DNAJB6: variants seen among roughly 807,000 people sequenced by gnomAD.
DNAJB6 encodes DnaJ heat shock protein family (Hsp40) member B6, also known as dnaJ homolog subfamily B member 6.
A neutral mutation model predicts 42.7 loss-of-function variants in DNAJB6; 16 were observed. That is an observed-to-expected ratio of 0.37 (90% CI 0.25 to 0.57). DNAJB6 has a LOEUF of 0.57. DNAJB6 is among the 20% of genes least tolerant of loss of function. The pLI is 0.74. For missense variants in DNAJB6, 347 were observed against 416.8 expected (o/e 0.83, Z 1.46); for synonymous variants, 170 against 163.5 (o/e 1.04, Z -0.30).
chr7:157,390,676 C>T (rs141220746), intron 8 of DNAJB6, among the ~76,000 whole-genome samples: 3 of 152,286 alleles, frequency 2.0e-5, no homozygotes, highest in East Asian at 3.9e-4. Context: ...CGCTGTGCTG[C>T]GAGCTCTGAG....
chr7:157,415,110 G>A (rs1228257518), intron 9 of DNAJB6: 1 of 152,276 alleles, frequency 6.6e-6, no homozygotes, highest in Non-Finnish European at 1.5e-5. Flanking sequence ...GCCTGTGCGT[G>A]TGGGACCCAG....
At chr7:157,403,900 A>G (rs1326735590) in intron 8 of DNAJB6, among the ~76,000 whole-genome samples, 2 of 152,234 alleles carry the variant, frequency 1.3e-5, no homozygotes, top group Admixed American at 1.3e-4. Context: ...ACCCTGACCC[A>G]GGAGCCTCAG....
At chr7:157,402,091 C>T (rs1029844008) in intron 8 of DNAJB6, among the ~76,000 whole-genome samples, 3 of 152,238 alleles carry the variant, frequency 2.0e-5, no homozygotes, top group African/African-American at 4.8e-5. Flanking sequence ...GCTTCTGCCG[C>T]ACTCCGCATT....
chr7:157,385,974 T>G (rs1435905349), intron 8 of DNAJB6: 3 of 912,702 alleles, frequency 3.3e-6, no homozygotes, highest in African/African-American at 1.8e-5. Context: ...GGACCTGCTT[T>G]TCATTGTGTC....
chr7:157,383,609 GTT>G (rs1035163754), intron 6 of DNAJB6, among the ~76,000 whole-genome samples: 2 of 80,144 alleles, frequency 2.5e-5, no homozygotes, highest in African/African-American at 5.1e-5. Context: ...CTGTATGTGT[GTT>G]TGTGTGTGTG....
chr7:157,350,838 G>A (rs1798935270), intron 1 of DNAJB6, among the ~76,000 whole-genome samples: 3 of 149,730 alleles, frequency 2.0e-5, no homozygotes, highest in African/African-American at 4.9e-5. Context: ...CGTTACAGGT[G>A]TTAGCCACCA....
At chr7:157,369,512 C>T (rs1038450475) in intron 5 of DNAJB6, 14 of 421,648 alleles carry the variant, frequency 3.3e-5, no homozygotes, top group Admixed American at 1.1e-4. Flanking sequence ...TGAGACCGGG[C>T]GTCTTCAACA....
intron 5 of DNAJB6, chr7:157,380,869 TCTCA>T (rs1206443355): frequency 2.6e-5 from 4 of 152,446 alleles, no homozygotes; most frequent in Non-Finnish European, 4.4e-5. Flanking sequence ...AGCCTTTGCT[TCTCA>T]CTATTTACTA....
At position 157,416,239 on chromosome 7, in the gene DNAJB6, G is replaced by C. The variant is rs1231896135; in HGVS notation, c.*141G>C. On this transcript the variant is annotated 3_prime_UTR_variant, in exon 10 of 10. Coordinates refer to ENST00000262177, the MANE Select transcript of DNAJB6 (RefSeq NM_058246.4). ...TCGCTCGGCAGGATTATGCGATCACGGATCAGTCAGAGCAGGGTCAGGAGA... is the reference window on the plus strand; with the variant it reads ...TCGCTCGGCAGGATTATGCGATCACCGATCAGTCAGAGCAGGGTCAGGAGA... The C allele has an allele frequency of 1.5e-6, 2 of 1,365,578 alleles. No individual in the cohort carries two copies. The highest frequency in any genetic ancestry group is 2.5e-5 in the East Asian group (1 of 39,734). The allele number at this position is 1,365,578 out of a possible 1,614,324, so 84.6% of individuals were successfully genotyped here.
chr7:157,393,330 T>G (rs1030247530), intron 8 of DNAJB6, among the ~76,000 whole-genome samples: 2 of 152,204 alleles, frequency 1.3e-5, no homozygotes, highest in Admixed American at 1.3e-4. Context: ...ATTGGAAAAC[T>G]CTATAAATTT....
intron 7 of DNAJB6, 72 bp from the exon 8 acceptor site, chr7:157,385,469 A>C: frequency 1.3e-6 from 2 of 1,522,394 alleles, no homozygotes; most frequent in Non-Finnish European, 1.8e-6. Context: ...TAATGTCCTT[A>C]AACAACTTAG....
At chr7:157,374,809 C>T (rs568027399) in intron 5 of DNAJB6, among the ~76,000 whole-genome samples, 16 of 152,280 alleles carry the variant, frequency 1.1e-4, no homozygotes, top group Admixed American at 3.9e-4. Context: ...AGTTTGTGGG[C>T]AGTGTTTCTG....
At chr7:157,359,749 G>T (rs1799484626) in intron 2 of DNAJB6, among the ~76,000 whole-genome samples, 1 of 152,204 alleles carries the variant, frequency 6.6e-6, no homozygotes, top group South Asian at 2.1e-4. Flanking sequence ...AGCCCAGGAG[G>T]TTGAGGCTGC....
intron 1 of DNAJB6, chr7:157,337,439 G>C (rs920422199): frequency 3.3e-5 from 5 of 152,456 alleles, no homozygotes; most frequent in African/African-American, 7.2e-5. Context: ...GCGGCGGTTG[G>C]GGGTGGGGCC....
At chr7:157,366,407 A>G in intron 3 of DNAJB6, 95 bp from the exon 4 acceptor site, 2 of 1,175,532 alleles carry the variant, frequency 1.7e-6, no homozygotes, top group Non-Finnish European at 2.5e-6. Context: ...GTTGTAAAAC[A>G]TCGAAAACTG....
intron 5 of DNAJB6, among the ~76,000 whole-genome samples, chr7:157,370,181 CAGGCCCCTTCTTAACATTATTATTAAAG>C (rs1800120798): frequency 7.6e-5 from 11 of 144,724 alleles, no homozygotes; most frequent in South Asian, 2.2e-4. Context: ...TATTATTAAA[CAGGCCCCTTCTTAACATTATTATTAAAG>C]AGGCCCTTTC....
chr7:157,408,192 G>C (rs1795840534), intron 8 of DNAJB6, among the ~76,000 whole-genome samples: 1 of 152,210 alleles, frequency 6.6e-6, no homozygotes, highest in Non-Finnish European at 1.5e-5. Context: ...CAGGGGTCCT[G>C]GGGTCCCCTG....
chr7:157,377,576 T>TGCTC (rs1800535171), intron 5 of DNAJB6, among the ~76,000 whole-genome samples: 1 of 152,096 alleles, frequency 6.6e-6, no homozygotes, highest in African/African-American at 2.4e-5. Context: ...GTAAAATCTG[T>TGCTC]CAGGACTGGA....
chr7:157,387,319 TTCC>T (rs1193668917), intron 8 of DNAJB6, among the ~76,000 whole-genome samples: 2 of 152,230 alleles, frequency 1.3e-5, no homozygotes, highest in African/African-American at 4.8e-5. Flanking sequence ...CACGCGGCAC[TTCC>T]TGTCTCTGGA....
Sources: gnomAD v4.1 joint callset for allele counts (sites outside exome capture counted in the v4.1 genomes callset) on GRCh38, gnomAD v4.1.1 for gene constraint, MANE v1.5 for transcripts, NCBI Gene and HGNC (gene_info 2026-07-23, HGNC 2026-07-21) for gene names.